SSX2IP: variants seen among roughly 807,000 people sequenced by gnomAD.
SSX2IP encodes the protein afadin- and alpha-actinin-binding protein.
SSX2IP carries 55 observed loss-of-function variants against 84.9 expected under a neutral mutation model. That is an observed-to-expected ratio of 0.65 (90% CI 0.52 to 0.81). SSX2IP has a LOEUF of 0.81. Among genes scored for constraint, SSX2IP ranks in the 30% least tolerant of loss-of-function variants. The pLI is 0.00. For synonymous variants in SSX2IP, 239 were observed against 234.7 expected (o/e 1.02, Z -0.17); for missense variants, 664 against 705.2 (o/e 0.94, Z 0.66).
chr1:84,668,128 A>C (rs538568226), intron 4 of SSX2IP, among the ~76,000 whole-genome samples: 14 of 152,282 alleles, frequency 9.2e-5, no homozygotes, highest in African/African-American at 3.1e-4. Flanking sequence ...GTCAAATCCC[A>C]TATTAGAAGA....
At position 84,673,703 on chromosome 1, in the gene SSX2IP, G is replaced by A. The variant is rs1653902137; in HGVS notation, c.-89-2395C>T. ...AGAAACAGGCAGATGAATTAGGGATGTGTTCTGGAGACAGAACCTTCAGAA... is the reference window on the plus strand; with the variant it reads ...AGAAACAGGCAGATGAATTAGGGATATGTTCTGGAGACAGAACCTTCAGAA... On this transcript the variant is annotated intron_variant, in intron 1 of 13. Transcript: ENST00000342203. 2.0e-5 allele frequency among the ~76,000 whole-genome samples: 3 copies of A among 152,154 alleles called. No individual in the cohort carries two copies. In the South Asian group the frequency reaches 6.2e-4, roughly 31 times the overall value.
chr1:84,670,463 C>CA (rs1653408432), intron 3 of SSX2IP, 183 bp downstream of exon 3: 1 of 396,252 alleles, frequency 2.5e-6, no homozygotes, highest in Admixed American at 4.2e-5. Flanking sequence ...CAAGGTGCTC[C>CA]ACACAAAAAA....
chr1:84,669,548 C>T, intron 4 of SSX2IP, 133 bp downstream of exon 4: 2 of 692,608 alleles, frequency 2.9e-6, no homozygotes, highest in Admixed American at 2.9e-5. Flanking sequence ...ATTATAAGTT[C>T]ACTTTTACTT....
At chr1:84,669,970 G>A (rs542198958) in intron 3 of SSX2IP, 77 bp from the exon 4 acceptor site, 2 of 1,020,870 alleles carry the variant, frequency 2.0e-6, no homozygotes, top group Non-Finnish European at 2.9e-6. Flanking sequence ...CTTTCAGTTA[G>A]ATAGGAAGAA....
At chr1:84,662,630 T>C in intron 6 of SSX2IP, 100 bp from the exon 7 acceptor site, 2 of 1,257,390 alleles carry the variant, frequency 1.6e-6, no homozygotes, top group Non-Finnish European at 2.2e-6. Context: ...GTGAACCTGG[T>C]ATATAGGTTA....
At chr1:84,675,675 A>C (rs1005692929) in intron 1 of SSX2IP, among the ~76,000 whole-genome samples, 1 of 152,218 alleles carries the variant, frequency 6.6e-6, no homozygotes, top group African/African-American at 2.4e-5. Context: ...TGCTTACCTG[A>C]GACAAATGCA....
chr1:84,646,672 A>G lies in SSX2IP; in HGVS notation c.*761T>C, dbSNP rs956919702. The G allele has an allele frequency of 2.0e-5, 3 of 152,592 alleles. No individual in the cohort carries two copies. The highest frequency in any genetic ancestry group is 1.9e-4 in the East Asian group (1 of 5,200). 9.5% of individuals were successfully genotyped at this position (152,592 alleles called of 1,614,324 possible). On this transcript the variant is annotated 3_prime_UTR_variant, in exon 14 of 14. Coordinates refer to ENST00000342203, the MANE Select transcript of SSX2IP (RefSeq NM_001166293.2). ...TTAAAAATTATAATATTCTACATAT[A>G]CAAAATAAAAATCTAATGTCATAAA...
intron 1 of SSX2IP, among the ~76,000 whole-genome samples, chr1:84,683,100 C>A (rs1273991270): frequency 6.6e-6 from 1 of 151,872 alleles, no homozygotes; most frequent in Non-Finnish European, 1.5e-5. Flanking sequence ...TAACATTACA[C>A]CCTACTATCT....
At chr1:84,659,300 T>TC (rs1651573905) in intron 8 of SSX2IP, among the ~76,000 whole-genome samples, 1 of 103,908 alleles carries the variant, frequency 9.6e-6, no homozygotes, top group Non-Finnish European at 2.5e-5. Flanking sequence ...TCTGAAGAAC[T>TC]CTATCAGTAG....
chr1:84,651,835 A>G, intron 12 of SSX2IP, 48 bp downstream of exon 12: 1 of 1,159,648 alleles, frequency 8.6e-7, no homozygotes, highest in Non-Finnish European at 1.2e-6. Flanking sequence ...TATGTAAATA[A>G]TTTTATTTAT....
rs1188304325 is a variant in SSX2IP, at chr1:84,645,709, AAAAC to A, written c.*1720_*1723del. On this transcript the variant is annotated 3_prime_UTR_variant, in exon 14 of 14. Coordinates refer to ENST00000342203, the MANE Select transcript of SSX2IP (RefSeq NM_001166293.2). ...TTTGACCATGTTATTGCTAAATAGC[AAAAC>A]AAACAAAAACAAAAACAACAAAAAT... 6.6e-5 allele frequency: 10 copies of A among 152,332 alleles called. No individual in the cohort carries two copies. The East Asian group carries it at 9.6e-4, about 15-fold the overall frequency. The allele number at this position is 152,332 out of a possible 1,614,324, so 9.4% of individuals were successfully genotyped here.
rs141339771 is a variant in SSX2IP, at chr1:84,683,775, G to A, written c.-90+6596C>T. Among the ~76,000 whole-genome samples the A allele has an allele frequency of 1.4e-4, 22 of 152,288 alleles. No individual in the cohort carries two copies. In the East Asian group the frequency reaches 4.0e-3, roughly 28 times the overall value. On this transcript the variant is annotated intron_variant, in intron 1 of 13. Transcript: ENST00000342203. ...GCTGCAATTTGGAAGGGCTTTCAAC[G>A]TAATCTTGATTGGTAACAGCTCAGA...
chr1:84,653,877 A>ACAG (rs1650696873), intron 11 of SSX2IP, among the ~76,000 whole-genome samples: 1 of 151,742 alleles, frequency 6.6e-6, no homozygotes, highest in Admixed American at 6.6e-5. Flanking sequence ...ATATTATCAG[A>ACAG]TTAATAAACA....
chr1:84,655,937 T>G lies in SSX2IP; in HGVS notation c.1284A>C (p.Glu428Asp). The G allele has an allele frequency of 6.2e-7, 1 of 1,613,924 alleles. No individual in the cohort carries two copies. The highest frequency in any genetic ancestry group is 2.2e-5 in the East Asian group (1 of 44,876). ...ACCATTCTTCTTTGAGACGTTCCTTTTCTTCCAACAAATAACAGTCTCGTA... is the reference window on the plus strand; with the variant it reads ...ACCATTCTTCTTTGAGACGTTCCTTGTCTTCCAACAAATAACAGTCTCGTA... ...SLLRDCYLLE[E>D]KERLKEEWSL... is the part of the protein sequence containing the mutation. Residue 428 changes from glutamate to aspartate, a missense_variant, in exon 11 of 14, where the codon GAA becomes GAC. Transcript: ENST00000342203.
At chr1:84,656,510 T>C (rs748110896) in intron 9 of SSX2IP, 26 bp from the exon 10 acceptor site, 6 of 1,597,836 alleles carry the variant, frequency 3.8e-6, no homozygotes, top group East Asian at 2.2e-5. Context: ...TAAGTTGACA[T>C]AGGTCTTATA....
At chr1:84,667,158 C>T (rs1305464151) in intron 4 of SSX2IP, among the ~76,000 whole-genome samples, 1 of 152,016 alleles carries the variant, frequency 6.6e-6, no homozygotes, top group Non-Finnish European at 1.5e-5. Flanking sequence ...TATGTCAAAT[C>T]AGAAATTCAC....
chr1:84,681,071 A>G (rs548286225), intron 1 of SSX2IP, among the ~76,000 whole-genome samples: 1 of 152,296 alleles, frequency 6.6e-6, no homozygotes, highest in East Asian at 1.9e-4. Flanking sequence ...AATGTCCTAC[A>G]GTTTTTTAAG....
chr1:84,689,304 G>C (rs1656247078), intron 1 of SSX2IP, among the ~76,000 whole-genome samples: 1 of 152,062 alleles, frequency 6.6e-6, no homozygotes, highest in African/African-American at 2.4e-5. Context: ...CAAACTGTAG[G>C]ATCACCAGAA....
At chr1:84,652,640 G>T (rs1650452628) in intron 11 of SSX2IP, among the ~76,000 whole-genome samples, 1 of 151,932 alleles carries the variant, frequency 6.6e-6, no homozygotes, top group South Asian at 2.1e-4. Flanking sequence ...TGAGGCAGGA[G>T]AATCACATGA....
Sources: allele counts gnomAD v4.1 joint callset (sites outside exome capture counted in the v4.1 genomes callset), GRCh38; gene constraint gnomAD v4.1.1; transcripts MANE v1.5; gene names NCBI Gene and HGNC (gene_info 2026-07-23, HGNC 2026-07-21).